Variants in PLBD2 observed in about 807,000 individuals in gnomAD.
The protein encoded by PLBD2 is putative aminopeptidase PLBD2.
PLBD2 carries 51 observed loss-of-function variants against 68.3 expected under a neutral mutation model. That is an observed-to-expected ratio of 0.75 (90% CI 0.60 to 0.94). The LOEUF (loss-of-function observed/expected upper bound fraction) is 0.94. PLBD2 is among the 40% of genes least tolerant of loss of function. The pLI, the probability that PLBD2 is intolerant of heterozygous loss-of-function variation, is 0.00. For missense variants in PLBD2, 729 were observed against 792.2 expected (o/e 0.92, Z 0.96); for synonymous variants, 314 against 339.3 (o/e 0.93, Z 0.82).
chr12:113,388,567 C>T lies in PLBD2; in HGVS notation c.1711C>T (p.Leu571=). 2.5e-6 allele frequency: 4 copies of T among 1,611,066 alleles called. No homozygotes were observed. The highest frequency in any genetic ancestry group is 2.5e-6 in the Non-Finnish European group (3 of 1,178,258). Residue 571 remains leucine (L), a synonymous_variant, in exon 12 of 12, where the codon CTG becomes TTG. Transcript: ENST00000280800. ...GAGCACCTCGCCCTTCAGCGGCCTG[C>T]TGCACATGGGCCAGCCAGACCTCTG... The part of the protein sequence containing the change: ...QWSTSPFSGL[L]HMGQPDLWKF...
Position 113,365,056 on chromosome 12 carries a change from GA to G in PLBD2, c.291-4059del, listed in dbSNP as rs1324501113. On this transcript the variant is annotated intron_variant, in intron 1 of 11. Transcript: ENST00000280800. Reference sequence around the variant, plus strand: ...TGTTTTTTCCTCTGTCCTTATCTGTGATGCTATGTGAATAATTAGCCCGAAG... The same window carrying G: ...TGTTTTTTCCTCTGTCCTTATCTGTGTGCTATGTGAATAATTAGCCCGAAG... Among the ~76,000 whole-genome samples, 3 of 152,122 alleles carry G rather than the reference GA, an allele frequency of 2.0e-5. No homozygotes were observed. In the East Asian group the frequency reaches 5.8e-4, roughly 29 times the overall value.
At chr12:113,374,418 G>C in intron 3 of PLBD2, 56 bp from the exon 4 acceptor site, 1 of 1,186,604 alleles carries the variant, frequency 8.4e-7, no homozygotes, top group Non-Finnish European at 1.2e-6. Flanking sequence ...TGAAGGAGAA[G>C]GTGTGAGCCT....
intron 5 of PLBD2, 190 bp downstream of exon 5, chr12:113,375,197 G>A (rs1593285480): frequency 9.9e-6 from 6 of 606,122 alleles, no homozygotes; most frequent in East Asian, 8.5e-5. Flanking sequence ...CCAGGCTGGA[G>A]TACAGTGGCA....
chr12:113,376,163 ATTTT>A (rs34142556), intron 5 of PLBD2, among the ~76,000 whole-genome samples: 1 of 115,280 alleles, frequency 8.7e-6, no homozygotes. Flanking sequence ...TTGACACAGC[ATTTT>A]TTTTTTTTTT....
chr12:113,368,042 A>G (rs1477872561), intron 1 of PLBD2, among the ~76,000 whole-genome samples: 1 of 152,070 alleles, frequency 6.6e-6, no homozygotes, highest in East Asian at 1.9e-4. Flanking sequence ...AGATCATGCC[A>G]GTACCCCCCA....
intron 1 of PLBD2, among the ~76,000 whole-genome samples, chr12:113,361,285 C>A (rs1269789126): frequency 1.3e-5 from 2 of 151,648 alleles, no homozygotes; most frequent in African/African-American, 4.8e-5. Context: ...GATAAATTCT[C>A]CCTACACCAT....
intron 5 of PLBD2, among the ~76,000 whole-genome samples, chr12:113,380,513 CGGACATGGAGGGCCAACTATATAA>C (rs1345312188): frequency 6.6e-6 from 1 of 152,214 alleles, no homozygotes; most frequent in African/African-American, 2.4e-5. Flanking sequence ...GTGGAACCCA[CGGACATGGAGGGCCAACTATATAA>C]GTTTTGCTGC....
At chr12:113,380,890 C>A in intron 6 of PLBD2, 48 bp downstream of exon 6, 1 of 1,506,460 alleles carries the variant, frequency 6.6e-7, no homozygotes. Context: ...GTTTGTCACA[C>A]GGCGGCTCTG....
chr12:113,366,693 A>C (rs1957344891), intron 1 of PLBD2, among the ~76,000 whole-genome samples: 1 of 151,686 alleles, frequency 6.6e-6, no homozygotes, highest in Non-Finnish European at 1.5e-5. Flanking sequence ...GCTGGTCTTG[A>C]ACTCCTGGCC....
intron 1 of PLBD2, among the ~76,000 whole-genome samples, chr12:113,368,267 CCG>C (rs1376911307): frequency 1.3e-5 from 2 of 152,182 alleles, no homozygotes; most frequent in Non-Finnish European, 2.9e-5. Context: ...TCACATGTAT[CCG>C]CTAGTATTGG....
chr12:113,374,519 G>A lies in PLBD2; in HGVS notation c.589G>A (p.Glu197Lys), dbSNP rs1228012921. The change falls in exon 4 of 12, where the codon GAA (glutamate) becomes AAA (lysine). Residue 197 changes from glutamate to lysine, a missense_variant. Glu to Lys is a moderately conservative substitution (Grantham distance 56, BLOSUM62 1). Transcript: ENST00000280800. ...GCTGAAAGGCCTGGAGGACAGCTAC[G>A]AAGGCCGTGTGAGCTTCCCAGCTGG... Reference protein sequence around the residue: ...LQLKGLEDSYEGRVSFPAGKF... With the variant: ...LQLKGLEDSYKGRVSFPAGKF... The A allele has an allele frequency of 2.2e-5, 36 of 1,607,190 alleles. No individual in the cohort carries two copies. The highest frequency in any genetic ancestry group is 2.6e-5 in the Non-Finnish European group (31 of 1,177,442).
intron 5 of PLBD2, among the ~76,000 whole-genome samples, chr12:113,376,290 A>G (rs974224672): frequency 6.6e-6 from 1 of 151,330 alleles, no homozygotes; most frequent in Non-Finnish European, 1.5e-5. Flanking sequence ...CAGCCTCCCA[A>G]GTAGCTGGGA....
In PLBD2 at chr12:113,380,785, C is replaced by T. The variant is rs1170648045; in HGVS notation, c.900C>T (p.Ser300=). ...TTCCCGGCAACAAGCTGGTCTTCTCCTCCTACCCCGGCACCATCTTCTCCT... is the reference window on the plus strand; with the variant it reads ...TTCCCGGCAACAAGCTGGTCTTCTCTTCCTACCCCGGCACCATCTTCTCCT... ...PLVPGNKLVF[S]SYPGTIFSCD... is the part of the protein sequence containing the mutation. Residue 300 remains serine (S), a synonymous_variant, in exon 6 of 12, where the codon TCC becomes TCT. Transcript: ENST00000280800. 14 of 1,555,766 alleles carry T rather than the reference C, an allele frequency of 9.0e-6. No individual in the cohort carries two copies. The highest frequency in any genetic ancestry group is 1.2e-5 in the Non-Finnish European group (14 of 1,149,544).
chr12:113,389,386 G>C lies in PLBD2; in HGVS notation c.*760G>C, dbSNP rs1181240546. 6.8e-6 allele frequency: 1 copy of C among 147,352 alleles called. No individual in the cohort carries two copies. The highest frequency in any genetic ancestry group is 1.5e-5 in the Non-Finnish European group (1 of 66,892). The allele number at this position is 147,352 out of a possible 1,614,324, so 9.1% of individuals were successfully genotyped here. The stretch of plus-strand genomic sequence containing the variant: ...CGCAGGCTGTGCCACCATTAAACAA[G>C]AGCGGCTGTGGCCCCATGCTGTGCT... On this transcript the variant is annotated 3_prime_UTR_variant, in exon 12 of 12. Transcript: ENST00000280800.
At chr12:113,369,547 A>G (rs1331258511) in intron 2 of PLBD2, among the ~76,000 whole-genome samples, 1 of 152,214 alleles carries the variant, frequency 6.6e-6, no homozygotes. Flanking sequence ...CCAGCTGCTG[A>G]TGAATGGATA....
chr12:113,362,312 G>C lies in PLBD2; in HGVS notation c.290+3422G>C, dbSNP rs140795400. ...ACTGCACTCCAGCCTGGGCAACAGA[G>C]TGAGACCCTGTCTCAAATAAAAAAA... On this transcript the variant is annotated intron_variant, in intron 1 of 11. Coordinates refer to ENST00000280800, the MANE Select transcript of PLBD2 (RefSeq NM_173542.4). 7.6e-3 allele frequency among the ~76,000 whole-genome samples: 1,157 copies of C among 151,878 alleles called. 15 individuals carry two copies. Among genetic ancestry groups the C allele is most frequent in the African/African-American group, 0.026 (1,079 of 41,352 alleles).
intron 1 of PLBD2, among the ~76,000 whole-genome samples, chr12:113,364,619 G>A (rs1218146059): frequency 6.6e-6 from 1 of 151,856 alleles, no homozygotes; most frequent in Non-Finnish European, 1.5e-5. Context: ...CACCACACCT[G>A]GTTAATTTAT....
chr12:113,388,952 G>A lies in PLBD2; in HGVS notation c.*326G>A. 4.9e-6 allele frequency: 1 copy of A among 204,224 alleles called. No individual in the cohort carries two copies. Among genetic ancestry groups the A allele is most frequent in the African/African-American group, 2.3e-5 (1 of 43,396 alleles). 12.7% of individuals were successfully genotyped at this position (204,224 alleles called of 1,614,324 possible). Reference sequence around the variant, plus strand: ...CCTTCCTCGTGCTTCTCCTTCCTGAGGGTTTGGGAAGGTCCTGGGGCAGAC... The same window carrying A: ...CCTTCCTCGTGCTTCTCCTTCCTGAAGGTTTGGGAAGGTCCTGGGGCAGAC... On this transcript the variant is annotated 3_prime_UTR_variant, in exon 12 of 12. Coordinates refer to ENST00000280800, the MANE Select transcript of PLBD2 (RefSeq NM_173542.4).
rs998148799 is a variant in PLBD2 at position 113,372,084 on chromosome 12, C to T, written c.385-565C>T. ...TTTCAGTGAGATGGTGATGGAGCAG[C>T]AGTCATGAAGCCATCAATCCTGAGG... is the stretch of plus-strand genomic sequence containing the variant. On this transcript the variant is annotated intron_variant, in intron 2 of 11. Transcript: ENST00000280800. The surrounding 1 kb of genome is among the most constrained non-coding windows in gnomAD (Gnocchi z 4.2). Among the ~76,000 whole-genome samples the T allele has an allele frequency of 6.6e-6, 1 of 152,064 alleles. No homozygotes were observed. The highest frequency in any genetic ancestry group is 2.4e-5 in the African/African-American group (1 of 41,412).
Sources: allele counts gnomAD v4.1 joint callset (sites outside exome capture counted in the v4.1 genomes callset), GRCh38; gene constraint gnomAD v4.1.1; non-coding constraint Gnocchi (gnomAD v3.1); transcripts MANE v1.5; gene names NCBI Gene and HGNC (gene_info 2026-07-23, HGNC 2026-07-21).